Variants in SLC26A2 observed in about 807,000 individuals in gnomAD.
SLC26A2 encodes sulfate transporter.
Under a neutral mutation model 41.1 loss-of-function variants are expected in SLC26A2, and 36 were observed. The observed-to-expected ratio is 0.88, with a 90% CI of 0.67 to 1.16. The LOEUF is 1.16. SLC26A2 is among the 50% of genes most tolerant of loss of function. SLC26A2 has a pLI of 0.00. For missense variants in SLC26A2, 796 were observed against 869.6 expected (o/e 0.92, Z 1.07); for synonymous variants, 291 against 311.6 (o/e 0.93, Z 0.70).
Position 149,977,742 on chromosome 5 carries a change from A to G in SLC26A2, c.90A>G (p.Glu30=). ...GTTATCCATCTGGGATCCATCTGGAACTTCAAAGGGAATCAAGTACTGACT... is the reference window on the plus strand; with the variant it reads ...GTTATCCATCTGGGATCCATCTGGAGCTTCAAAGGGAATCAAGTACTGACT... ...NDSYPSGIHL[E]LQRESSTDFK... The change falls in exon 2 of 3, where the codon GAA becomes GAG. Residue 30 remains glutamate (E), a synonymous_variant. Transcript: ENST00000286298. 4 of 1,613,984 alleles carry G rather than the reference A, an allele frequency of 2.5e-6. No homozygotes were observed. Among genetic ancestry groups the G allele is most frequent in the Non-Finnish European group, 3.4e-6 (4 of 1,179,830 alleles).
At chr5:149,961,230 G>C (rs1302896828) in intron 1 of SLC26A2, among the ~76,000 whole-genome samples, 5 of 151,872 alleles carry the variant, frequency 3.3e-5, no homozygotes. Flanking sequence ...CCTCCATCCC[G>C]CGTATCTCGC....
At position 149,982,060 on chromosome 5, in the gene SLC26A2, A is replaced by G; in HGVS notation, c.*247A>G. On this transcript the variant is annotated 3_prime_UTR_variant, in exon 3 of 3. Transcript: ENST00000286298. ...CAGATATGAAGTATTCTTGGAATGC[A>G]ATAAGTATGTATTGAACTGTACTGT... 1 of 516,936 alleles carries G rather than the reference A, an allele frequency of 1.9e-6. No homozygotes were observed. The highest frequency in any genetic ancestry group is 2.3e-5 in the South Asian group (1 of 43,796). The allele number at this position is 516,936 out of a possible 1,614,324, so 32.0% of individuals were successfully genotyped here. A position where few individuals can be genotyped will look rare whatever the true frequency, so the allele number is the denominator to read the frequency against.
At chr5:149,974,625 A>T (rs1231379702) in intron 1 of SLC26A2, among the ~76,000 whole-genome samples, 1 of 149,798 alleles carries the variant, frequency 6.7e-6, no homozygotes, top group African/African-American at 2.5e-5. Flanking sequence ...GGGTTTCACC[A>T]TGTTGGCCAG....
At chr5:149,965,184 A>G (rs936585447) in intron 1 of SLC26A2, among the ~76,000 whole-genome samples, 2 of 152,140 alleles carry the variant, frequency 1.3e-5, no homozygotes, top group African/African-American at 4.8e-5. Context: ...TGATTCCCCT[A>G]CTTACAAGCT....
chr5:149,980,887 C>T lies in SLC26A2; in HGVS notation c.1294C>T (p.His432Tyr), dbSNP rs1755086337. 6.2e-7 allele frequency: 1 copy of T among 1,614,104 alleles called. No individual in the cohort carries two copies. The highest frequency in any genetic ancestry group is 8.5e-7 in the Non-Finnish European group (1 of 1,179,988). ...TTGTAATATCATCCCTTCCTTCTTC[C>T]ACTGTTTTACTACTAGTGCAGCTCT... ...GFCNIIPSFFHCFTTSAALAK... is the reference protein window; with the variant it reads ...GFCNIIPSFFYCFTTSAALAK... Residue 432 changes from histidine to tyrosine, a missense_variant, in exon 3 of 3, where the codon CAC becomes TAC. Transcript: ENST00000286298.
chr5:149,973,348 C>A (rs1484011092), intron 1 of SLC26A2, among the ~76,000 whole-genome samples: 2 of 151,922 alleles, frequency 1.3e-5, no homozygotes, highest in Non-Finnish European at 1.5e-5. Flanking sequence ...TTTACTTTAT[C>A]TTCATTTGTT....
In SLC26A2 at chr5:149,980,731, C is replaced by T; in HGVS notation, c.1138C>T (p.Pro380Ser). Residue 380 changes from proline to serine, a missense_variant, in exon 3 of 3, where the codon CCT (proline) becomes TCT (serine). Transcript: ENST00000286298. ...PPKVPEWNLIPSVAVDAIAIS... is the reference protein window; with the variant it reads ...PPKVPEWNLISSVAVDAIAIS... ...CAAAGTACCAGAATGGAACCTAATT[C>T]CTAGTGTGGCTGTAGATGCAATAGC... The T allele has an allele frequency of 6.2e-7, 1 of 1,613,896 alleles. No individual in the cohort carries two copies. Among genetic ancestry groups the T allele is most frequent in the Non-Finnish European group, 8.5e-7 (1 of 1,179,908 alleles).
At position 149,981,056 on chromosome 5, in the gene SLC26A2, T is replaced by C. The variant is rs2113698778; in HGVS notation, c.1463T>C (p.Ile488Thr). The C allele has an allele frequency of 1.2e-6, 2 of 1,614,188 alleles. No individual in the cohort carries two copies. Among genetic ancestry groups the C allele is most frequent in the East Asian group, 2.2e-5 (1 of 44,882 alleles). Residue 488 changes from isoleucine to threonine, a missense_variant, in exon 3 of 3, where the codon ATT becomes ACT. Ile to Thr is a moderately conservative substitution (Grantham distance 89). Transcript: ENST00000286298. ...AAAAGTGTCCTTGGTGTGATCACAA[T>C]TGTAAATCTACGGGGAGCCCTTCGT... is the stretch of plus-strand genomic sequence containing the variant. ...LQKSVLGVIT[I>T]VNLRGALRKF...
chr5:149,980,166 G>A, intron 2 of SLC26A2, 127 bp from the exon 3 acceptor site: 1 of 794,178 alleles, frequency 1.3e-6, no homozygotes, highest in Non-Finnish European at 2.2e-6. Context: ...ATATGATTGT[G>A]TTTATTCTAG....
intron 1 of SLC26A2, among the ~76,000 whole-genome samples, chr5:149,970,265 T>C (rs895099566): frequency 5.3e-5 from 8 of 152,104 alleles, no homozygotes; most frequent in African/African-American, 7.2e-5. Context: ...CCCAGCACTT[T>C]GGGAGGCAGA....
At chr5:149,964,574 G>A (rs1020418076) in intron 1 of SLC26A2, among the ~76,000 whole-genome samples, 4 of 151,884 alleles carry the variant, frequency 2.6e-5, no homozygotes, top group Non-Finnish European at 5.9e-5. Context: ...TCAGGAGCTC[G>A]AGACCATCCT....
At position 149,987,295 on chromosome 5, in the gene SLC26A2, T is replaced by C. The variant is rs1755215682; in HGVS notation, c.*5482T>C. Reference sequence around the variant, plus strand: ...TGGTTAATAGCAGATACTTTTCTTCTAGAAGCTTATGTTTTATGCTGTTTA... The same window carrying C: ...TGGTTAATAGCAGATACTTTTCTTCCAGAAGCTTATGTTTTATGCTGTTTA... On this transcript the variant is annotated 3_prime_UTR_variant, in exon 3 of 3. Transcript: ENST00000286298. 1 of 152,238 alleles carries C rather than the reference T, an allele frequency of 6.6e-6. No individual in the cohort carries two copies. Among genetic ancestry groups the C allele is most frequent in the Non-Finnish European group, 1.5e-5 (1 of 68,038 alleles). 9.4% of individuals were successfully genotyped at this position (152,238 alleles called of 1,614,324 possible). A position where few individuals can be genotyped will look rare whatever the true frequency, so the allele number is the denominator to read the frequency against.
intron 1 of SLC26A2, among the ~76,000 whole-genome samples, chr5:149,971,063 A>G (rs1466489351): frequency 6.6e-6 from 1 of 152,238 alleles, no homozygotes; most frequent in East Asian, 1.9e-4. Flanking sequence ...TTAATGGAGT[A>G]AGCATGGGTT....
intron 1 of SLC26A2, 78 bp downstream of exon 1, chr5:149,961,057 G>A (rs1314396301): frequency 6.6e-6 from 1 of 152,374 alleles, no homozygotes; most frequent in East Asian, 1.9e-4. Context: ...CCCTCCCAGA[G>A]TCATTCTGCC....
chr5:149,977,824 C>G lies in SLC26A2; in HGVS notation c.172C>G (p.Arg58Gly), dbSNP rs369318758. 1.2e-6 allele frequency: 2 copies of G among 1,613,910 alleles called. No homozygotes were observed. Among genetic ancestry groups the G allele is most frequent in the Admixed American group, 1.7e-5 (1 of 59,982 alleles). ...CRPYHRILIE[R>G]QEKSDTNFKE... Reference sequence around the variant, plus strand: ...ACCTTATCATAGGATCCTTATTGAGCGTCAAGAGAAATCAGATACAAACTT... The same window carrying G: ...ACCTTATCATAGGATCCTTATTGAGGGTCAAGAGAAATCAGATACAAACTT... Residue 58 changes from arginine to glycine, a missense_variant, in exon 2 of 3, where the codon CGT (arginine) becomes GGT (glycine). Arg to Gly is a moderately radical substitution (Grantham distance 125). Coordinates refer to ENST00000286298, the MANE Select transcript of SLC26A2 (RefSeq NM_000112.4).
rs140025408 is a variant in SLC26A2, at chr5:149,967,112, A to G, written c.-26+6133A>G. Among the ~76,000 whole-genome samples the G allele has an allele frequency of 6.3e-3, 964 of 152,346 alleles. 8 individuals are homozygous for G. The highest frequency in any genetic ancestry group is 0.021 in the African/African-American group (886 of 41,584). ...CAGGAGTTCAAGGCTGCAGTGAACT[A>G]TGATCATGCCACTGCACTCCAGTCT... is the stretch of plus-strand genomic sequence containing the variant. On this transcript the variant is annotated intron_variant, in intron 1 of 2. Coordinates refer to ENST00000286298, the MANE Select transcript of SLC26A2 (RefSeq NM_000112.4).
In SLC26A2 at chr5:149,965,794, G is replaced by A. The variant is rs151177975; in HGVS notation, c.-26+4815G>A. Among the ~76,000 whole-genome samples, 324 of 152,286 alleles carry A rather than the reference G, an allele frequency of 2.1e-3. 1 individual carries two copies. Among genetic ancestry groups the A allele is most frequent in the African/African-American group, 7.5e-3 (310 of 41,554 alleles). On this transcript the variant is annotated intron_variant, in intron 1 of 2. Coordinates refer to ENST00000286298, the MANE Select transcript of SLC26A2 (RefSeq NM_000112.4). ...TGATGTATATACACTTACAGAGACT[G>A]GCATAGGCAATCTATTAGAGGAAAA...
chr5:149,984,115 A>G lies in SLC26A2; in HGVS notation c.*2302A>G, dbSNP rs991583547. ...TTTCTGTCCATATGTGGATGTAAAC[A>G]GTTCTGGAACGTTATGCATGCAGTT... On this transcript the variant is annotated 3_prime_UTR_variant, in exon 3 of 3. Transcript: ENST00000286298. 6.6e-6 allele frequency: 1 copy of G among 152,264 alleles called. No homozygotes were observed. Among genetic ancestry groups the G allele is most frequent in the Non-Finnish European group, 1.5e-5 (1 of 68,040 alleles). 9.4% of individuals were successfully genotyped at this position (152,264 alleles called of 1,614,324 possible).
rs1439238855 is a variant in SLC26A2, at chr5:149,960,795, T to C, written c.-210T>C. ...TCTGCCTCCGGCATCTCTTCGCCGG[T>C]GCGTCCTCGCCGCGCCCGTAGGTCC... On this transcript the variant is annotated 5_prime_UTR_variant, in exon 1 of 3. Coordinates refer to ENST00000286298, the MANE Select transcript of SLC26A2 (RefSeq NM_000112.4). The C allele has an allele frequency of 6.6e-6, 1 of 152,348 alleles. No homozygotes were observed. The allele number at this position is 152,348 out of a possible 1,614,324, so 9.4% of individuals were successfully genotyped here. A position where few individuals can be genotyped will look rare whatever the true frequency, so the allele number is the denominator to read the frequency against.
Sources: gnomAD v4.1 joint callset for allele counts (sites outside exome capture counted in the v4.1 genomes callset) on GRCh38, gnomAD v4.1.1 for gene constraint, MANE v1.5 for transcripts, NCBI Gene and HGNC (gene_info 2026-07-23, HGNC 2026-07-21) for gene names.